C1QTNF7: variants seen among roughly 807,000 people sequenced by gnomAD.
The protein encoded by C1QTNF7 is complement C1q tumor necrosis factor-related protein 7.
A neutral mutation model predicts 19.6 loss-of-function variants in C1QTNF7; 15 were observed. The ratio of observed to expected loss-of-function variants is 0.76; its 90% confidence interval spans 0.51 to 1.18. The LOEUF is 1.18. Among genes scored for constraint, C1QTNF7 ranks in the 50% most tolerant of loss-of-function variants. The pLI is 0.00. For synonymous variants in C1QTNF7, 142 were observed against 137.5 expected (o/e 1.03, Z -0.23); for missense variants, 324 against 359.7 (o/e 0.90, Z 0.80).
intron 1 of C1QTNF7, among the ~76,000 whole-genome samples, chr4:15,391,530 G>A (rs1169931172): frequency 6.6e-6 from 1 of 151,782 alleles, no homozygotes; most frequent in Non-Finnish European, 1.5e-5. Context: ...CCCTTTTTTG[G>A]GTCATCACCC....
intron 1 of C1QTNF7, among the ~76,000 whole-genome samples, chr4:15,347,956 G>C (rs111415100): frequency 6.6e-6 from 1 of 152,100 alleles, no homozygotes; most frequent in Non-Finnish European, 1.5e-5. Context: ...TGTGATCATG[G>C]TTAAGTTACT....
intron 1 of C1QTNF7, among the ~76,000 whole-genome samples, chr4:15,403,446 G>C (rs1298960025): frequency 6.6e-6 from 1 of 152,148 alleles, no homozygotes; most frequent in Non-Finnish European, 1.5e-5. Flanking sequence ...GGCTCTGCAA[G>C]GTCATTCATC....
At chr4:15,367,583 AT>A (rs1717573220) in intron 1 of C1QTNF7, among the ~76,000 whole-genome samples, 1 of 152,190 alleles carries the variant, frequency 6.6e-6, no homozygotes, top group Non-Finnish European at 1.5e-5. Context: ...CAGATCATGT[AT>A]TTGAAACCCT....
At chr4:15,367,535 T>G (rs1243768337) in intron 1 of C1QTNF7, among the ~76,000 whole-genome samples, 1 of 152,194 alleles carries the variant, frequency 6.6e-6, no homozygotes, top group East Asian at 1.9e-4. Flanking sequence ...CTCACTAGGA[T>G]GTATGTGTAT....
At chr4:15,365,928 A>G (rs1366141836) in intron 1 of C1QTNF7, among the ~76,000 whole-genome samples, 2 of 152,144 alleles carry the variant, frequency 1.3e-5, no homozygotes, top group African/African-American at 2.4e-5. Flanking sequence ...GGGAGGCAGC[A>G]GGAGTGAAGG....
At chr4:15,390,820 C>T (rs1718528157) in intron 1 of C1QTNF7, among the ~76,000 whole-genome samples, 1 of 152,102 alleles carries the variant, frequency 6.6e-6, no homozygotes, top group Non-Finnish European at 1.5e-5. Flanking sequence ...CAATAACGTT[C>T]TAATCTTCCA....
intron 1 of C1QTNF7, among the ~76,000 whole-genome samples, chr4:15,377,323 G>C (rs1645792858): frequency 6.6e-6 from 1 of 152,122 alleles, no homozygotes; most frequent in African/African-American, 2.4e-5. Context: ...ATACCCCCGT[G>C]CTTTCTTCAA....
At chr4:15,431,814 A>C (rs755052273) in intron 1 of C1QTNF7, among the ~76,000 whole-genome samples, 10 of 152,246 alleles carry the variant, frequency 6.6e-5, no homozygotes, top group Non-Finnish European at 1.0e-4. Flanking sequence ...TGTAGCTTAC[A>C]TTCTATCAGG....
intron 1 of C1QTNF7, among the ~76,000 whole-genome samples, chr4:15,419,552 A>T (rs901069407): frequency 6.6e-6 from 1 of 152,228 alleles, no homozygotes; most frequent in Non-Finnish European, 1.5e-5. Flanking sequence ...CAAAAATAAC[A>T]GAAAGAAAGA....
chr4:15,371,605 T>C (rs1158005469), intron 1 of C1QTNF7, among the ~76,000 whole-genome samples: 1 of 152,116 alleles, frequency 6.6e-6, no homozygotes, highest in East Asian at 1.9e-4. Context: ...ATGACACTTA[T>C]GACATCCTAT....
upstream of C1QTNF7, among the ~76,000 whole-genome samples, chr4:15,424,461 T>G (rs1182133876): frequency 1.3e-5 from 2 of 152,086 alleles, no homozygotes; most frequent in Admixed American, 1.3e-4. Flanking sequence ...GGGGTGAAGG[T>G]GTTCCTTGGT....
At chr4:15,392,318 C>T (rs1718589540) in intron 1 of C1QTNF7, among the ~76,000 whole-genome samples, 1 of 152,042 alleles carries the variant, frequency 6.6e-6, no homozygotes, top group Non-Finnish European at 1.5e-5. Context: ...ACTTAAATCA[C>T]CTCATTCATT....
intron 2 of C1QTNF7, among the ~76,000 whole-genome samples, chr4:15,440,406 C>CT (rs58931762): frequency 0.067 from 9,147 of 136,578 alleles, 1,005 homozygotes; most frequent in African/African-American, 0.23. Flanking sequence ...ACAGAAGCAA[C>CT]TTTTTTTTTT....
At position 15,442,449 on chromosome 4, in the gene C1QTNF7, G is replaced by A. The variant is rs563271263; in HGVS notation, c.520G>A (p.Glu174Lys). The change falls in exon 3 of 3, where the codon GAG (glutamate) becomes AAG (lysine). Residue 174 changes from glutamate (E) to lysine (K), a missense_variant. Physicochemically the swap from Glu to Lys is moderately conservative, Grantham distance 56 (BLOSUM62 1). Coordinates refer to ENST00000444304, the MANE Select transcript of C1QTNF7 (RefSeq NM_031911.5). ...TATATTTAACAAGGTCCTCTTCAAC[G>A]AGGGAGAGCACTACAACCCTGCCAC... ...PIIFNKVLFN[E>K]GEHYNPATGK... 2.5e-6 allele frequency: 4 copies of A among 1,614,202 alleles called. No individual in the cohort carries two copies. Among genetic ancestry groups the A allele is most frequent in the African/African-American group, 1.3e-5 (1 of 75,052 alleles).
intron 1 of C1QTNF7, among the ~76,000 whole-genome samples, chr4:15,353,807 G>A (rs960567939): frequency 1.3e-5 from 2 of 151,938 alleles, no homozygotes; most frequent in Admixed American, 6.6e-5. Flanking sequence ...CAAGCATGTA[G>A]GGCAAGATAT....
At chr4:15,390,500 T>C (rs1023119642) in intron 1 of C1QTNF7, among the ~76,000 whole-genome samples, 3 of 152,176 alleles carry the variant, frequency 2.0e-5, no homozygotes, top group Non-Finnish European at 4.4e-5. Flanking sequence ...GAGTTCCTTT[T>C]GTGAGCAGAG....
intron 1 of C1QTNF7, among the ~76,000 whole-genome samples, chr4:15,348,538 G>A (rs1388855913): frequency 6.6e-6 from 1 of 152,092 alleles, no homozygotes; most frequent in Non-Finnish European, 1.5e-5. Context: ...TAAACCATCT[G>A]CAGGACCAAG....
chr4:15,427,891 C>T (rs535864475), upstream of C1QTNF7: 2 of 291,032 alleles, frequency 6.9e-6, no homozygotes, highest in South Asian at 1.3e-4. Context: ...AACTGGTCCC[C>T]GAGTTGAGCC....
chr4:15,430,516 G>C (rs966476825), intron 1 of C1QTNF7, among the ~76,000 whole-genome samples: 2 of 152,192 alleles, frequency 1.3e-5, no homozygotes, highest in Non-Finnish European at 2.9e-5. Flanking sequence ...ATTGTATGTG[G>C]AGTGACAGCT....
Sources: gnomAD v4.1 joint callset for allele counts (sites outside exome capture counted in the v4.1 genomes callset) on GRCh38, gnomAD v4.1.1 for gene constraint, MANE v1.5 for transcripts, NCBI Gene and HGNC (gene_info 2026-07-23, HGNC 2026-07-21) for gene names.